The following RBFOX1 variants were observed in gnomAD, a reference collection of about 807,000 sequenced individuals.
The protein encoded by RBFOX1 is RNA binding fox-1 homolog 1.
A neutral mutation model predicts 57.7 loss-of-function variants in RBFOX1; 8 were observed. That is an observed-to-expected ratio of 0.14 (90% CI 0.08 to 0.25). The LOEUF (loss-of-function observed/expected upper bound fraction) is 0.25, where lower values mean the gene tolerates loss of function less well. RBFOX1 is among the 10% of genes least tolerant of loss of function. The pLI is 1.00. For synonymous variants in RBFOX1, 326 were observed against 222.4 expected (o/e 1.47, Z -4.15); for missense variants, 611 against 548.5 (o/e 1.11, Z -1.14).
At chr16:6,910,706 C>T (rs1479831590) in intron 3 of RBFOX1, among the ~76,000 whole-genome samples, 1 of 152,194 alleles carries the variant, frequency 6.6e-6, no homozygotes, top group Non-Finnish European at 1.5e-5. Context: ...AGCAGTGTGA[C>T]TCTAAAGCAA....
At chr16:5,300,129 A>G (rs989203578) in intron 1 of RBFOX1, among the ~76,000 whole-genome samples, 1 of 152,112 alleles carries the variant, frequency 6.6e-6, no homozygotes, top group African/African-American at 2.4e-5. Context: ...TCATGAACCA[A>G]TCTTACATTC....
intron 4 of RBFOX1, among the ~76,000 whole-genome samples, chr16:7,157,703 G>C (rs767474800): frequency 6.6e-6 from 1 of 152,100 alleles, no homozygotes; most frequent in African/African-American, 2.4e-5. Flanking sequence ...GCAGTCCCAC[G>C]CATCACCTCA....
At chr16:6,238,562 G>A (rs1181483146) in intron 1 of RBFOX1, among the ~76,000 whole-genome samples, 1 of 152,174 alleles carries the variant, frequency 6.6e-6, no homozygotes, top group East Asian at 1.9e-4. Context: ...GTGTCATTAA[G>A]TATGTATTAG....
At chr16:5,271,497 A>G (rs1048680343) in intron 1 of RBFOX1, among the ~76,000 whole-genome samples, 2 of 152,246 alleles carry the variant, frequency 1.3e-5, no homozygotes, top group African/African-American at 4.8e-5. Flanking sequence ...GGGAACTGAG[A>G]CACTGGCTGT....
intron 3 of RBFOX1, among the ~76,000 whole-genome samples, chr16:5,676,694 C>G (rs897470169): frequency 6.6e-6 from 1 of 152,130 alleles, no homozygotes; most frequent in Admixed American, 6.5e-5. Flanking sequence ...AACCTCATCT[C>G]TACTAAAAAT....
chr16:7,710,462 T>A (rs868543334), intron 15 of RBFOX1, 161 bp from the exon 16 acceptor site: 1 of 1,481,556 alleles, frequency 6.7e-7, no homozygotes, highest in South Asian at 1.5e-5. Flanking sequence ...AGGTCAGGAA[T>A]GGCCCTATCT....
At chr16:6,090,290 C>G (rs1454843382) in intron 1 of RBFOX1, among the ~76,000 whole-genome samples, 1 of 152,148 alleles carries the variant, frequency 6.6e-6, no homozygotes, top group Non-Finnish European at 1.5e-5. Flanking sequence ...TTAATTCCAC[C>G]TATTCCCTTA....
chr16:5,358,680 G>A (rs532051812), intron 1 of RBFOX1, among the ~76,000 whole-genome samples: 14 of 152,258 alleles, frequency 9.2e-5, no homozygotes, highest in East Asian at 3.9e-4. Context: ...AAAATTAGCC[G>A]GGTGTGGTGG....
chr16:5,678,720 A>G (rs2050242354), intron 3 of RBFOX1, among the ~76,000 whole-genome samples: 1 of 152,222 alleles, frequency 6.6e-6, no homozygotes, highest in Non-Finnish European at 1.5e-5. Context: ...GACAAATGGT[A>G]CATGGAGTTT....
chr16:6,915,301 G>A (rs1415767607), intron 3 of RBFOX1, among the ~76,000 whole-genome samples: 1 of 152,136 alleles, frequency 6.6e-6, no homozygotes, highest in Non-Finnish European at 1.5e-5. Flanking sequence ...CATTCTCTGT[G>A]TTGCGGACTA....
chr16:6,472,324 G>T (rs926363559), intron 2 of RBFOX1, among the ~76,000 whole-genome samples: 48 of 152,282 alleles, frequency 3.2e-4, no homozygotes, highest in African/African-American at 1.1e-3. Context: ...ACGTGGTGGA[G>T]ATGCTGGCTG....
intron 3 of RBFOX1, among the ~76,000 whole-genome samples, chr16:5,730,202 A>C (rs923849622): frequency 6.6e-6 from 1 of 152,200 alleles, no homozygotes; most frequent in East Asian, 1.9e-4. Flanking sequence ...GCCTACCACA[A>C]TTAGGGGAGC....
intron 4 of RBFOX1, among the ~76,000 whole-genome samples, chr16:7,290,431 T>G (rs568653093): frequency 2.4e-4 from 37 of 152,230 alleles, no homozygotes; most frequent in Non-Finnish European, 4.4e-4. Context: ...TAATCTGGAA[T>G]GTAAGCTCCA....
chr16:6,793,464 G>T (rs1449721792), intron 3 of RBFOX1, among the ~76,000 whole-genome samples: 1 of 152,114 alleles, frequency 6.6e-6, no homozygotes, highest in Non-Finnish European at 1.5e-5. Flanking sequence ...TCATCTCAGT[G>T]TCTCAGTGGA....
chr16:5,590,046 T>TACAC lies in RBFOX1; in HGVS notation c.259-8828_259-8825dup, dbSNP rs148421648. 9.2e-3 allele frequency among the ~76,000 whole-genome samples: 1,322 copies of TACAC among 142,974 alleles called. 14 individuals carry two copies. The highest frequency in any genetic ancestry group is 0.05 in the East Asian group (232 of 4,664). The allele number at this position is 142,974 out of a possible 152,430, so 93.8% of individuals were successfully genotyped here. ...TAGCGTTTCAGAGGAGTCTGCGTGT[T>TACAC]ACACACACACACACACACACACACA... On this transcript the variant is annotated intron_variant, in intron 2 of 2. Coordinates refer to the RBFOX1 transcript ENST00000585867.
intron 4 of RBFOX1, among the ~76,000 whole-genome samples, chr16:7,511,879 G>A (rs1419530756): frequency 3.5e-5 from 4 of 113,032 alleles, no homozygotes; most frequent in Non-Finnish European, 5.8e-5. Context: ...GTCTTAAAGC[G>A]TGAGATCTTG....
intron 4 of RBFOX1, among the ~76,000 whole-genome samples, chr16:7,314,170 A>G (rs1193523054): frequency 6.6e-6 from 1 of 152,152 alleles, no homozygotes; most frequent in Non-Finnish European, 1.5e-5. Flanking sequence ...AGAATGATGG[A>G]GTGTATTTCT....
intron 4 of RBFOX1, among the ~76,000 whole-genome samples, chr16:7,411,902 CAAAAAAAAAAAA>C (rs60700135): frequency 1.3e-4 from 12 of 95,410 alleles, no homozygotes; most frequent in South Asian, 8.3e-4. Flanking sequence ...AAACTCCTTT[CAAAAAAAAAAAA>C]AAAAAAAAAA....
chr16:5,793,468 A>C (rs1023241175), intron 3 of RBFOX1, among the ~76,000 whole-genome samples: 1 of 152,244 alleles, frequency 6.6e-6, no homozygotes, highest in Non-Finnish European at 1.5e-5. Flanking sequence ...CATGCCGCTA[A>C]GAGGTCCAGG....
Sources: allele counts gnomAD v4.1 joint callset (sites outside exome capture counted in the v4.1 genomes callset), GRCh38; gene constraint gnomAD v4.1.1; transcripts MANE v1.5; gene names NCBI Gene and HGNC (gene_info 2026-07-23, HGNC 2026-07-21).